The following SCARA5 variants were observed in gnomAD, a reference collection of about 807,000 sequenced individuals.
SCARA5 encodes the protein scavenger receptor class A member 5.
Under a neutral mutation model 46.3 loss-of-function variants are expected in SCARA5, and 45 were observed. That is an observed-to-expected ratio of 0.97 (90% CI 0.76 to 1.24). SCARA5 has a LOEUF of 1.24. Ranked by LOEUF, SCARA5 falls within the 50% of genes most tolerant of loss-of-function variation. The pLI is 0.00. For missense variants in SCARA5, 680 were observed against 689.0 expected (o/e 0.99, Z 0.15); for synonymous variants, 333 against 306.5 (o/e 1.09, Z -0.90).
intron 3 of SCARA5, among the ~76,000 whole-genome samples, chr8:27,937,364 C>T (rs1354680070): frequency 6.6e-6 from 1 of 152,158 alleles, no homozygotes; most frequent in Non-Finnish European, 1.5e-5. Flanking sequence ...GTCCCGATCC[C>T]CGGGGACAGG....
chr8:27,903,559 T>C (rs1423170606), intron 7 of SCARA5: 1 of 152,286 alleles, frequency 6.6e-6, no homozygotes, highest in African/African-American at 2.4e-5. Context: ...TTATCGCCCA[T>C]GTGGGAATAA....
intron 4 of SCARA5, among the ~76,000 whole-genome samples, chr8:27,918,784 A>G (rs1335409509): frequency 1.0e-4 from 14 of 140,030 alleles, no homozygotes; most frequent in East Asian, 7.0e-4. Context: ...AGAAGGAGGA[A>G]GAGGAGAAAG....
rs184451936 is a variant in SCARA5 at position 27,944,568 on chromosome 8, A to G, written c.241+21846T>C. 3.0e-3 allele frequency among the ~76,000 whole-genome samples: 455 copies of G among 152,300 alleles called. 3 individuals carry two copies. Among genetic ancestry groups the G allele is most frequent in the African/African-American group, 0.01 (430 of 41,554 alleles). On this transcript the variant is annotated intron_variant, in intron 3 of 8. Transcript: ENST00000354914. ...CTGTAGGTTTAACATTTTTTAAAAAATAAAAAATTAAGACCAGGCATGGTG... is the reference window on the plus strand; with the variant it reads ...CTGTAGGTTTAACATTTTTTAAAAAGTAAAAAATTAAGACCAGGCATGGTG...
intron 2 of SCARA5, among the ~76,000 whole-genome samples, chr8:27,969,023 A>C (rs1808409859): frequency 6.6e-6 from 1 of 152,160 alleles, no homozygotes; most frequent in African/African-American, 2.4e-5. Flanking sequence ...AATAGAACAT[A>C]ATGAGGGTTT....
intron 3 of SCARA5, among the ~76,000 whole-genome samples, chr8:27,935,526 C>T (rs1056367024): frequency 6.6e-6 from 1 of 152,160 alleles, no homozygotes; most frequent in Non-Finnish European, 1.5e-5. Context: ...GGTCTAGGCT[C>T]CCAGAGAAGA....
At chr8:27,969,476 T>A (rs747349666) in intron 2 of SCARA5, among the ~76,000 whole-genome samples, 21 of 152,138 alleles carry the variant, frequency 1.4e-4, no homozygotes, top group Non-Finnish European at 2.9e-4. Flanking sequence ...AGTAAAAAGA[T>A]CCGTGGTTGC....
intron 3 of SCARA5, among the ~76,000 whole-genome samples, chr8:27,958,548 C>T (rs2726944): frequency 0.54 from 81,671 of 152,062 alleles, 22,171 homozygotes; most frequent in South Asian, 0.66. Flanking sequence ...GGGAACTGCA[C>T]GCGTGGCAGC....
intron 7 of SCARA5, among the ~76,000 whole-genome samples, chr8:27,901,296 C>A (rs1241294585): frequency 2.0e-5 from 3 of 152,098 alleles, no homozygotes; most frequent in Non-Finnish European, 4.4e-5. Flanking sequence ...ACGGCACGGG[C>A]TTCAGAGGTG....
intron 4 of SCARA5, among the ~76,000 whole-genome samples, chr8:27,918,766 GGT>G (rs1807518480): frequency 6.7e-6 from 1 of 149,570 alleles, no homozygotes; most frequent in African/African-American, 2.5e-5. Flanking sequence ...AGGAAGAAAG[GGT>G]GGAGGAGAAG....
intron 8 of SCARA5, 98 bp downstream of exon 8, chr8:27,879,471 G>A (rs1806773851): frequency 2.5e-6 from 3 of 1,201,870 alleles, no homozygotes; most frequent in Non-Finnish European, 3.6e-6. Flanking sequence ...TGGGGACCTC[G>A]CGGAATTGCA....
intron 7 of SCARA5, among the ~76,000 whole-genome samples, chr8:27,899,231 T>A (rs1807112504): frequency 6.6e-6 from 1 of 152,160 alleles, no homozygotes; most frequent in African/African-American, 2.4e-5. Flanking sequence ...TAACTCCAGG[T>A]TGATTATGTC....
At chr8:27,916,026 C>T (rs1807455629) in intron 4 of SCARA5, among the ~76,000 whole-genome samples, 1 of 152,198 alleles carries the variant, frequency 6.6e-6, no homozygotes, top group Non-Finnish European at 1.5e-5. Context: ...TCTAAGTTCT[C>T]TGCTTCTTTC....
intron 2 of SCARA5, among the ~76,000 whole-genome samples, chr8:27,985,055 G>T (rs1180001452): frequency 6.6e-6 from 1 of 152,158 alleles, no homozygotes; most frequent in African/African-American, 2.4e-5. Context: ...CTGTATGCTG[G>T]GCTCAGGAGA....
At chr8:27,905,270 T>A (rs1355170861) in intron 6 of SCARA5, among the ~76,000 whole-genome samples, 1 of 151,998 alleles carries the variant, frequency 6.6e-6, no homozygotes, top group Non-Finnish European at 1.5e-5. Flanking sequence ...AACATAAGTG[T>A]GAGATACCAG....
At chr8:27,934,023 T>C (rs188034029) in intron 3 of SCARA5, among the ~76,000 whole-genome samples, 1 of 152,218 alleles carries the variant, frequency 6.6e-6, no homozygotes, top group Non-Finnish European at 1.5e-5. Context: ...CTCATTTCAT[T>C]TGGATTTATG....
intron 2 of SCARA5, among the ~76,000 whole-genome samples, chr8:27,984,065 T>G (rs1179844800): frequency 6.6e-6 from 1 of 152,080 alleles, no homozygotes; most frequent in Admixed American, 6.6e-5. Context: ...GTGCTGGCTC[T>G]CCCTTCCTTT....
intron 2 of SCARA5, among the ~76,000 whole-genome samples, chr8:27,972,495 T>C (rs1205744185): frequency 1.3e-5 from 2 of 152,160 alleles, no homozygotes; most frequent in African/African-American, 2.4e-5. Context: ...CAGTGACATA[T>C]TGCAAGAAGA....
At chr8:27,913,746 G>C (rs541328575) in intron 4 of SCARA5, among the ~76,000 whole-genome samples, 1 of 152,154 alleles carries the variant, frequency 6.6e-6, no homozygotes, top group Non-Finnish European at 1.5e-5. Context: ...CTCAGAGCAC[G>C]GGAAGGCCCC....
chr8:27,974,527 T>A (rs1365747514), intron 2 of SCARA5, among the ~76,000 whole-genome samples: 1 of 152,080 alleles, frequency 6.6e-6, no homozygotes, highest in Non-Finnish European at 1.5e-5. Context: ...TACTTTCTTC[T>A]TGTTGTCTTT....
Sources: allele counts gnomAD v4.1 joint callset (sites outside exome capture counted in the v4.1 genomes callset), GRCh38; gene constraint gnomAD v4.1.1; transcripts MANE v1.5; gene names NCBI Gene and HGNC (gene_info 2026-07-23, HGNC 2026-07-21).